FBN1: variants seen among roughly 807,000 people sequenced by gnomAD.
FBN1 encodes the protein fibrillin 1, also known as fibrillin-1.
In FBN1, 29 loss-of-function variants were observed where a neutral mutation model predicts 365.1. The observed-to-expected ratio is 0.08, with a 90% CI of 0.06 to 0.11. The LOEUF is 0.11. FBN1 is among the 10% of genes least tolerant of loss of function. FBN1 has a pLI of 1.00. For synonymous variants in FBN1, 1,210 were observed against 1,270.5 expected, an observed-to-expected ratio of 0.95 and a Z score of 1.01; for missense variants, 2,476 against 3,703.2, an observed-to-expected ratio of 0.67 and a Z score of 8.60.
intron 8 of FBN1, chr15:48,529,627 T>C (rs1871484): frequency 0.11 from 17,474 of 152,014 alleles, 1,179 homozygotes; most frequent in Non-Finnish European, 0.14. Context: ...ACTAATACAA[T>C]GAGAGAAAAA....
chr15:48,560,718 T>C (rs959318382), intron 6 of FBN1, among the ~76,000 whole-genome samples: 2 of 152,298 alleles, frequency 1.3e-5, no homozygotes, highest in East Asian at 3.9e-4. Context: ...TTTGGATTTT[T>C]CCAAAAGACT....
intron 6 of FBN1, among the ~76,000 whole-genome samples, chr15:48,543,701 T>A (rs2044075443): frequency 6.6e-6 from 1 of 152,196 alleles, no homozygotes; most frequent in Admixed American, 6.5e-5. Context: ...AGTACAGAGA[T>A]TATTTTAGAT....
At chr15:48,621,474 G>C (rs1469802317) in intron 2 of FBN1, among the ~76,000 whole-genome samples, 1 of 152,044 alleles carries the variant, frequency 6.6e-6, no homozygotes, top group Non-Finnish European at 1.5e-5. Context: ...ATTCCACTAA[G>C]GGCCATTCTA....
intron 2 of FBN1, among the ~76,000 whole-genome samples, chr15:48,639,539 C>A (rs1478122951): frequency 2.0e-5 from 3 of 152,210 alleles, no homozygotes; most frequent in African/African-American, 7.2e-5. Flanking sequence ...GAACTAAACT[C>A]AAGCTAGCAT....
At chr15:48,629,397 A>G (rs549627776) in intron 2 of FBN1, among the ~76,000 whole-genome samples, 241 of 152,336 alleles carry the variant, frequency 1.6e-3, no homozygotes, top group Middle Eastern at 3.4e-3. Flanking sequence ...TTTAAGACAG[A>G]TCAACCAATT....
chr15:48,561,037 T>C (rs1446976410), intron 6 of FBN1, among the ~76,000 whole-genome samples: 1 of 152,174 alleles, frequency 6.6e-6, no homozygotes, highest in African/African-American at 2.4e-5. Context: ...TCAGTATTAT[T>C]ACAGACTAGA....
chr15:48,642,998 A>T (rs1186125827), intron 2 of FBN1: 1 of 152,262 alleles, frequency 6.6e-6, no homozygotes, highest in African/African-American at 2.4e-5. Flanking sequence ...CTAGTTGGTG[A>T]CAGCCCAGAG....
intron 35 of FBN1, among the ~76,000 whole-genome samples, chr15:48,471,621 T>C (rs1272498794): frequency 1.3e-5 from 2 of 152,178 alleles, no homozygotes; most frequent in Non-Finnish European, 2.9e-5. Flanking sequence ...AACGGTTCCA[T>C]AACAAAGAAA....
chr15:48,418,807 A>G (rs2141218477), intron 63 of FBN1, among the ~76,000 whole-genome samples: 1 of 152,326 alleles, frequency 6.6e-6, no homozygotes, highest in East Asian at 1.9e-4. Flanking sequence ...TCTAAAATCA[A>G]AGGTTTCAGC....
intron 21 of FBN1, 76 bp from the exon 22 acceptor site, chr15:48,495,336 T>C (rs1278074104): frequency 6.3e-7 from 1 of 1,597,274 alleles, no homozygotes; most frequent in African/African-American, 1.3e-5. Flanking sequence ...TAGACAAAAA[T>C]AGCATTTGAA....
At chr15:48,493,121 A>G (rs987120712) in intron 23 of FBN1, among the ~76,000 whole-genome samples, 2 of 152,266 alleles carry the variant, frequency 1.3e-5, no homozygotes, top group African/African-American at 4.8e-5. Flanking sequence ...TGTTCTGTCC[A>G]TGCTTTGGTC....
intron 53 of FBN1, 125 bp from the exon 54 acceptor site, chr15:48,434,838 T>C (rs931241136): frequency 8.5e-7 from 1 of 1,178,354 alleles, no homozygotes; most frequent in Admixed American, 1.9e-5. Flanking sequence ...CACTTTGACA[T>C]CCAGACTGCA....
At position 48,582,158 on chromosome 15, in the gene FBN1, C is replaced by G. The variant is rs536714921; in HGVS notation, c.538+14125G>C. On this transcript the variant is annotated intron_variant, in intron 6 of 65. Coordinates refer to ENST00000316623, the MANE Select transcript of FBN1 (RefSeq NM_000138.5). ...AGTACAGATGGTAGATCAGTCATTT[C>G]TTTTTTGAATTACAGGAAATTCAAG... is the stretch of plus-strand genomic sequence containing the variant. Among the ~76,000 whole-genome samples, 43 of 152,276 alleles carry G rather than the reference C, an allele frequency of 2.8e-4. No homozygotes were observed. In the South Asian group the frequency reaches 3.3e-3, roughly 12 times the overall value.
intron 15 of FBN1, among the ~76,000 whole-genome samples, 194 bp from the exon 16 acceptor site, chr15:48,505,341 G>A (rs2043699609): frequency 6.6e-6 from 1 of 152,152 alleles, no homozygotes; most frequent in African/African-American, 2.4e-5. Context: ...TCAACTGTTG[G>A]AACTTATTTT....
At chr15:48,640,885 G>A (rs986420121) in intron 2 of FBN1, 2 of 151,762 alleles carry the variant, frequency 1.3e-5, no homozygotes, top group African/African-American at 4.8e-5. Flanking sequence ...TGCTATTCAA[G>A]TACAGTTGAG....
intron 40 of FBN1, among the ~76,000 whole-genome samples, chr15:48,464,396 A>G (rs969607622): frequency 6.6e-6 from 1 of 152,170 alleles, no homozygotes; most frequent in Non-Finnish European, 1.5e-5. Flanking sequence ...CTGTAGTCCC[A>G]GCTACTCTAC....
intron 4 of FBN1, among the ~76,000 whole-genome samples, chr15:48,609,773 A>G (rs1401262258): frequency 6.6e-6 from 1 of 152,240 alleles, no homozygotes; most frequent in Non-Finnish European, 1.5e-5. Context: ...TCATCCATGA[A>G]GCCAAGGGAG....
chr15:48,519,555 A>G (rs2043833486), intron 10 of FBN1, among the ~76,000 whole-genome samples: 1 of 152,204 alleles, frequency 6.6e-6, no homozygotes, highest in South Asian at 2.1e-4. Context: ...GGAAGAAGGG[A>G]GCACTTCCAG....
intron 2 of FBN1, among the ~76,000 whole-genome samples, chr15:48,619,444 TTC>T (rs1483183594): frequency 2.0e-5 from 3 of 152,028 alleles, no homozygotes; most frequent in Admixed American, 2.0e-4. Flanking sequence ...GTCCATCTGT[TTC>T]TCTCTCCCTC....
Sources: allele counts gnomAD v4.1 joint callset (sites outside exome capture counted in the v4.1 genomes callset), GRCh38; gene constraint gnomAD v4.1.1; transcripts MANE v1.5; gene names NCBI Gene and HGNC (gene_info 2026-07-23, HGNC 2026-07-21).